The following SUGCT variants were observed in gnomAD, a reference collection of about 807,000 sequenced individuals.
SUGCT encodes succinyl-CoA:glutarate CoA-transferase.
A neutral mutation model predicts 55.0 loss-of-function variants in SUGCT; 41 were observed. The ratio of observed to expected loss-of-function variants is 0.74; its 90% CI spans 0.58 to 0.97. The LOEUF is 0.97. Among genes scored for constraint, SUGCT ranks in the 50% least tolerant of loss-of-function variants. SUGCT has a pLI of 0.00. For synonymous variants in SUGCT, 187 were observed against 200.4 expected (o/e 0.93, Z 0.56); for missense variants, 568 against 547.8 (o/e 1.04, Z -0.37).
the SUGCT span, among the ~76,000 whole-genome samples, chr7:41,005,896 C>T: frequency 3.3e-5 from 5 of 152,306 alleles, no homozygotes; most frequent in East Asian, 3.9e-4. Context: ...ACTTGACCTC[C>T]GAGCATTCCA....
intron 12 of SUGCT, among the ~76,000 whole-genome samples, chr7:40,529,504 G>A (rs1304053104): frequency 6.6e-6 from 1 of 152,192 alleles, no homozygotes; most frequent in Admixed American, 6.6e-5. Flanking sequence ...ATAAACCAGG[G>A]CAGACAAATC....
At chr7:40,253,556 T>TA (rs1314193212) in intron 7 of SUGCT, among the ~76,000 whole-genome samples, 1 of 149,508 alleles carries the variant, frequency 6.7e-6, no homozygotes, top group Non-Finnish European at 1.5e-5. Flanking sequence ...ATCGAATGTG[T>TA]AAATATATTT....
intron 12 of SUGCT, among the ~76,000 whole-genome samples, chr7:40,696,800 G>GA (rs1442043797): frequency 6.6e-6 from 1 of 152,066 alleles, no homozygotes; most frequent in African/African-American, 2.4e-5. Context: ...ACTGCAGCTG[G>GA]AAAAAATAAT....
At chr7:40,633,299 C>T (rs1246702394) in intron 12 of SUGCT, among the ~76,000 whole-genome samples, 4 of 152,058 alleles carry the variant, frequency 2.6e-5, no homozygotes, top group Non-Finnish European at 5.9e-5. Context: ...CTATTGAATA[C>T]TTAGTATTGA....
chr7:40,619,681 A>G (rs548900992), intron 12 of SUGCT, among the ~76,000 whole-genome samples: 1 of 152,358 alleles, frequency 6.6e-6, no homozygotes, highest in South Asian at 2.1e-4. Flanking sequence ...TTTTATGAAT[A>G]CACATGAAGT....
chr7:40,594,394 T>C (rs1467107446), intron 12 of SUGCT, among the ~76,000 whole-genome samples: 1 of 151,838 alleles, frequency 6.6e-6, no homozygotes, highest in East Asian at 1.9e-4. Flanking sequence ...ACCCAAGTCA[T>C]CTCTACCATA....
intron 10 of SUGCT, 114 bp downstream of exon 10, chr7:40,449,472 G>A: frequency 1.4e-6 from 1 of 721,344 alleles, no homozygotes; most frequent in East Asian, 2.7e-5. Context: ...AAAAGTATAG[G>A]ATATTCATGC....
At chr7:40,299,423 GCAT>G (rs1407609387) in intron 8 of SUGCT, among the ~76,000 whole-genome samples, 1 of 152,152 alleles carries the variant, frequency 6.6e-6, no homozygotes, top group Non-Finnish European at 1.5e-5. Context: ...GTCACAGGTT[GCAT>G]TTGCCAATTC....
intron 13 of SUGCT, among the ~76,000 whole-genome samples, chr7:40,756,574 C>T (rs1206324437): frequency 6.6e-6 from 1 of 152,010 alleles, no homozygotes; most frequent in Non-Finnish European, 1.5e-5. Flanking sequence ...AATCACATGT[C>T]CTCAAAGTGC....
At chr7:40,978,093 T>C in the SUGCT span, among the ~76,000 whole-genome samples, 1 of 152,180 alleles carries the variant, frequency 6.6e-6, no homozygotes, top group Non-Finnish European at 1.5e-5. Context: ...CTCTCAGCTC[T>C]TGGCAGTCTA....
chr7:40,385,681 C>CT (rs1785084877), intron 9 of SUGCT, among the ~76,000 whole-genome samples: 1 of 150,516 alleles, frequency 6.6e-6, no homozygotes, highest in South Asian at 2.1e-4. Context: ...ATACAATGGT[C>CT]TTTTCATTTT....
chr7:40,437,296 T>C (rs1407236991), intron 9 of SUGCT, among the ~76,000 whole-genome samples: 2 of 152,174 alleles, frequency 1.3e-5, no homozygotes, highest in African/African-American at 4.8e-5. Context: ...AAATTTAATT[T>C]ATTTGAGGAA....
chr7:40,391,193 G>T (rs77024938), intron 9 of SUGCT, among the ~76,000 whole-genome samples: 1 of 151,832 alleles, frequency 6.6e-6, no homozygotes, highest in Non-Finnish European at 1.5e-5. Context: ...AGAAGAAAAC[G>T]TAGGCAATAC....
chr7:40,262,658 C>G (rs2150965922), intron 7 of SUGCT, among the ~76,000 whole-genome samples: 1 of 152,108 alleles, frequency 6.6e-6, no homozygotes, highest in South Asian at 2.1e-4. Context: ...GAGCAAGACT[C>G]TCTCTCAAAA....
the SUGCT span, among the ~76,000 whole-genome samples, chr7:40,917,391 T>C: frequency 6.6e-6 from 1 of 152,184 alleles, no homozygotes; most frequent in African/African-American, 2.4e-5. Flanking sequence ...AAATATTTCC[T>C]CAAATTTAGA....
chr7:40,487,264 T>G (rs967146385), intron 11 of SUGCT, among the ~76,000 whole-genome samples: 55 of 138,780 alleles, frequency 4.0e-4, no homozygotes, highest in Non-Finnish European at 7.2e-4. Flanking sequence ...TTTTTTTTTT[T>G]TTTTTTTTTT....
chr7:40,913,515 T>G, the SUGCT span, among the ~76,000 whole-genome samples: 1 of 152,204 alleles, frequency 6.6e-6, no homozygotes, highest in African/African-American at 2.4e-5. Flanking sequence ...GCATTTTTGC[T>G]TTTAGAAAGA....
chr7:40,611,797 T>C (rs974670040), intron 12 of SUGCT, among the ~76,000 whole-genome samples: 8 of 152,176 alleles, frequency 5.3e-5, no homozygotes, highest in Non-Finnish European at 7.3e-5. Flanking sequence ...ATTATCCTCA[T>C]TTTATAGGTA....
intron 12 of SUGCT, among the ~76,000 whole-genome samples, chr7:40,682,883 T>C (rs895859998): frequency 6.6e-6 from 1 of 152,130 alleles, no homozygotes; most frequent in African/African-American, 2.4e-5. Flanking sequence ...ATTTTTGGTG[T>C]CTCCCAAAGG....
Sources: gnomAD v4.1 joint callset for allele counts (sites outside exome capture counted in the v4.1 genomes callset) on GRCh38, gnomAD v4.1.1 for gene constraint, MANE v1.5 for transcripts, NCBI Gene and HGNC (gene_info 2026-07-23, HGNC 2026-07-21) for gene names.